ADAMTS6: variants seen among roughly 807,000 people sequenced by gnomAD.
ADAMTS6 encodes A disintegrin and metalloproteinase with thrombospondin motifs 6.
Under a neutral mutation model 144.3 loss-of-function variants are expected in ADAMTS6, and 23 were observed. The ratio of observed to expected loss-of-function variants is 0.16; its 90% CI spans 0.11 to 0.23. The LOEUF (loss-of-function observed/expected upper bound fraction) is 0.23. ADAMTS6 is among the 10% of genes least tolerant of loss of function. The pLI is 1.00. For missense variants in ADAMTS6, 999 were observed against 1,379.6 expected, an observed-to-expected ratio of 0.72 and a Z score of 4.37; for synonymous variants, 444 against 457.5, an observed-to-expected ratio of 0.97 and a Z score of 0.38.
chr5:65,151,994 A>G (rs1356834174), intron 24 of ADAMTS6, 49 bp from the exon 25 acceptor site: 6 of 1,518,888 alleles, frequency 4.0e-6, no homozygotes, highest in Non-Finnish European at 4.5e-6. Flanking sequence ...CACATAAACA[A>G]GTACATAAAC....
chr5:65,272,702 T>G (rs148256355), intron 12 of ADAMTS6, among the ~76,000 whole-genome samples: 1 of 152,014 alleles, frequency 6.6e-6, no homozygotes, highest in Non-Finnish European at 1.5e-5. Flanking sequence ...GGCAGATCAC[T>G]TGAGCTCAGG....
At chr5:65,286,402 T>C (rs912410870) in intron 11 of ADAMTS6, among the ~76,000 whole-genome samples, 1 of 152,242 alleles carries the variant, frequency 6.6e-6, no homozygotes, top group Non-Finnish European at 1.5e-5. Context: ...TCAGGATATA[T>C]GGCCTACTGA....
At chr5:65,288,005 C>T (rs180936470) in intron 11 of ADAMTS6, among the ~76,000 whole-genome samples, 75 of 152,298 alleles carry the variant, frequency 4.9e-4, no homozygotes, top group African/African-American at 1.7e-3. Flanking sequence ...CTCCTCACAA[C>T]TTCTATAGGA....
At chr5:65,161,213 T>G (rs185869781) in intron 24 of ADAMTS6, among the ~76,000 whole-genome samples, 15 of 151,766 alleles carry the variant, frequency 9.9e-5, no homozygotes, top group African/African-American at 3.6e-4. Context: ...AGTTTTTAAA[T>G]TTTTTGTAGA....
Position 65,172,966 on chromosome 5 carries a change from G to C in ADAMTS6, c.2953C>G (p.Leu985Val), listed in dbSNP as rs765748431. 6.2e-7 allele frequency: 1 copy of C among 1,614,070 alleles called. No individual in the cohort carries two copies. Among genetic ancestry groups the C allele is most frequent in the South Asian group, 1.1e-5 (1 of 91,074 alleles). Residue 985 changes from leucine to valine, a missense_variant, in exon 23 of 25, where the codon CTG (leucine) becomes GTG (valine). Around this residue, in one of 3 missense-constraint regions of ADAMTS6, gnomAD observed 619 missense variants for 837.0 expected, o/e 0.74. Transcript: ENST00000381055. ...CGPGFKHRIVLCKSSDLSKTF... is the reference protein window; with the variant it reads ...CGPGFKHRIVVCKSSDLSKTF... ...TTAGAAAGGTCACTGCTCTTGCACA[G>C]AACAATCCGATGCTTGAATCCTGGA... is the stretch of plus-strand genomic sequence containing the variant.
intron 7 of ADAMTS6, among the ~76,000 whole-genome samples, chr5:65,405,938 C>T (rs1754427776): frequency 6.6e-6 from 1 of 152,142 alleles, no homozygotes; most frequent in Non-Finnish European, 1.5e-5. Flanking sequence ...CATGATTTGG[C>T]TCTGTGTTAG....
chr5:65,323,454 T>C (rs1442248650), intron 9 of ADAMTS6, among the ~76,000 whole-genome samples: 1 of 152,022 alleles, frequency 6.6e-6, no homozygotes, highest in African/African-American at 2.4e-5. Flanking sequence ...AAATCATCAT[T>C]TTTTATGGCT....
Position 65,451,526 on chromosome 5 carries a change from G to A in ADAMTS6, c.1022C>T (p.Thr341Ile), listed in dbSNP as rs759848191. The A allele has an allele frequency of 1.2e-6, 2 of 1,613,704 alleles. No individual in the cohort carries two copies. The highest frequency in any genetic ancestry group is 1.7e-5 in the Admixed American group (1 of 59,942). ...SILSHQSDGNTIPENGIAHHD... is the reference protein window; with the variant it reads ...SILSHQSDGNIIPENGIAHHD... Reference sequence around the variant, plus strand: ...GTGGGCAATCCCATTTTCTGGAATGGTGTTTCCATCACTTTGGTGGGAGAG... The same window carrying A: ...GTGGGCAATCCCATTTTCTGGAATGATGTTTCCATCACTTTGGTGGGAGAG... Residue 341 changes from threonine to isoleucine, a missense_variant, in exon 7 of 25, where the codon ACC becomes ATC. Thr to Ile is a moderately conservative substitution (Grantham distance 89). Around this residue, in one of 3 missense-constraint regions of ADAMTS6, gnomAD observed 128 missense variants for 249.0 expected, o/e 0.51. Transcript: ENST00000381055.
intron 11 of ADAMTS6, among the ~76,000 whole-genome samples, chr5:65,275,213 C>CAAA (rs70983666): frequency 4.7e-5 from 3 of 63,816 alleles, no homozygotes; most frequent in Admixed American, 4.9e-4. Flanking sequence ...GGCTCTGTGT[C>CAAA]AAAAAAAAAA....
intron 7 of ADAMTS6, among the ~76,000 whole-genome samples, chr5:65,375,174 C>T (rs999217038): frequency 6.6e-6 from 1 of 152,210 alleles, no homozygotes; most frequent in South Asian, 2.1e-4. Flanking sequence ...AAAACCTAGG[C>T]TTTACCATTC....
chr5:65,193,183 A>G (rs1379700524), intron 21 of ADAMTS6, among the ~76,000 whole-genome samples: 1 of 151,962 alleles, frequency 6.6e-6, no homozygotes, highest in Non-Finnish European at 1.5e-5. Context: ...CAGTGTACCA[A>G]TGAAGAAATA....
chr5:65,222,064 A>G (rs1757359992), intron 18 of ADAMTS6, among the ~76,000 whole-genome samples: 1 of 152,198 alleles, frequency 6.6e-6, no homozygotes, highest in Non-Finnish European at 1.5e-5. Flanking sequence ...AAATTAACCT[A>G]TAGATTCCAT....
At position 65,242,950 on chromosome 5, in the gene ADAMTS6, T is replaced by G. The variant is rs192545338; in HGVS notation, c.1831-744A>C. On this transcript the variant is annotated intron_variant, in intron 14 of 24. Transcript: ENST00000381055. ...TTCTATTCAGAAATGCTTCTGAAGTTTTTTAAAGAGAAAAATCCTGCCAAT... is the reference window on the plus strand; with the variant it reads ...TTCTATTCAGAAATGCTTCTGAAGTGTTTTAAAGAGAAAAATCCTGCCAAT... 1.2e-4 allele frequency among the ~76,000 whole-genome samples: 18 copies of G among 152,222 alleles called. No homozygotes were observed. In the East Asian group the frequency reaches 3.5e-3, roughly 29 times the overall value.
At chr5:65,366,385 G>A (rs1750308503) in intron 7 of ADAMTS6, among the ~76,000 whole-genome samples, 2 of 152,008 alleles carry the variant, frequency 1.3e-5, no homozygotes, top group African/African-American at 4.8e-5. Context: ...ACAATGGGAA[G>A]GAAAAGAAAA....
At chr5:65,441,113 A>AT (rs778311464) in intron 7 of ADAMTS6, among the ~76,000 whole-genome samples, 6 of 152,298 alleles carry the variant, frequency 3.9e-5, no homozygotes, top group Non-Finnish European at 5.9e-5. Flanking sequence ...TAGTTTTTGT[A>AT]TTTTCTAAAG....
rs73093246 is a variant in ADAMTS6 at position 65,479,212 on chromosome 5, A to G, written c.-280+2131T>C. ...TTACATATGAAAATTAACTTCTTTC[A>G]TTTCCATTTATTCTCTCACATTTAT... On this transcript the variant is annotated intron_variant, in intron 1 of 24. Transcript: ENST00000381055. 3.7e-3 allele frequency among the ~76,000 whole-genome samples: 567 copies of G among 152,236 alleles called. 4 individuals carry two copies. Among genetic ancestry groups the G allele is most frequent in the African/African-American group, 0.013 (540 of 41,530 alleles).
intron 20 of ADAMTS6, among the ~76,000 whole-genome samples, chr5:65,200,845 TTC>T (rs1020913028): frequency 6.6e-6 from 1 of 152,206 alleles, no homozygotes; most frequent in Non-Finnish European, 1.5e-5. Flanking sequence ...AAAAGGTATA[TTC>T]TGTTTAGAGA....
At position 65,460,195 on chromosome 5, in the gene ADAMTS6, A is replaced by G. The variant is rs1441095598; in HGVS notation, c.606T>C (p.Tyr202=). Residue 202 remains tyrosine, a synonymous_variant, in exon 4 of 25, where the codon TAT becomes TAC. Coordinates refer to ENST00000381055, the MANE Select transcript of ADAMTS6 (RefSeq NM_197941.4). ...KKSALQQRHL[Y]DHSHCGVSDF... ...CCGAAACCCCACAATGAGAGTGATC[A>G]TACAGATGTCGTTGTTGAAGGGCAG... is the stretch of plus-strand genomic sequence containing the variant. 2 of 1,614,072 alleles carry G rather than the reference A, an allele frequency of 1.2e-6. No individual in the cohort carries two copies. Among genetic ancestry groups the G allele is most frequent in the Non-Finnish European group, 1.7e-6 (2 of 1,179,956 alleles).
chr5:65,460,439 A>G lies in ADAMTS6; in HGVS notation c.463-101T>C, dbSNP rs1361675644. 4 of 1,106,312 alleles carry G rather than the reference A, an allele frequency of 3.6e-6. No homozygotes were observed. In the East Asian group the frequency reaches 9.8e-5, roughly 27 times the overall value. The allele number at this position is 1,106,312 out of a possible 1,614,324, so 68.5% of individuals were successfully genotyped here. ...AAAGTAAATGGACACTTCTCCATTT[A>G]CAGGGTTAAAACACGTTAATAAAAA... On this transcript the variant is annotated intron_variant, in intron 3 of 24. Transcript: ENST00000381055.
Sources: allele counts gnomAD v4.1 joint callset (sites outside exome capture counted in the v4.1 genomes callset), GRCh38; gene constraint gnomAD v4.1.1; regional missense constraint gnomAD v4.1.1; transcripts MANE v1.5; gene names NCBI Gene and HGNC (gene_info 2026-07-23, HGNC 2026-07-21).